The following MORF4L1 variants were observed in gnomAD, a reference collection of about 807,000 sequenced individuals.
MORF4L1 encodes mortality factor 4-like protein 1.
In MORF4L1, 4 loss-of-function variants were observed where a neutral mutation model predicts 52.9. That is an observed-to-expected ratio of 0.08 (90% CI 0.04 to 0.17). MORF4L1 has a LOEUF of 0.17. Ranked by LOEUF, MORF4L1 falls within the 10% of genes least tolerant of loss-of-function variation. MORF4L1 has a pLI of 1.00. For missense variants in MORF4L1, 214 were observed against 390.4 expected (o/e 0.55, Z 3.81); for synonymous variants, 123 against 134.8 (o/e 0.91, Z 0.61).
At chr15:78,886,484 A>G in intron 4 of MORF4L1, 1 of 406,382 alleles carries the variant, frequency 2.5e-6, no homozygotes, top group Non-Finnish European at 4.5e-6. Flanking sequence ...TGCTATAGGT[A>G]TGAACTCACT....
At chr15:78,880,811 T>G (rs1239445156) in intron 3 of MORF4L1, among the ~76,000 whole-genome samples, 1 of 152,056 alleles carries the variant, frequency 6.6e-6, no homozygotes, top group African/African-American at 2.4e-5. Context: ...TAGTGTAATA[T>G]CTATTAGTCA....
chr15:78,875,687 T>G (rs1410016937), intron 1 of MORF4L1, among the ~76,000 whole-genome samples: 1 of 151,418 alleles, frequency 6.6e-6, no homozygotes, highest in Non-Finnish European at 1.5e-5. Flanking sequence ...CTCGGGCGGC[T>G]GAGACAGGAA....
chr15:78,873,755 T>C (rs997564663), intron 1 of MORF4L1: 4 of 151,006 alleles, frequency 2.6e-5, no homozygotes, highest in Non-Finnish European at 5.9e-5. Flanking sequence ...AAAAAAAAAG[T>C]GAGATGAGCG....
At chr15:78,883,096 T>G (rs1229125361) in intron 3 of MORF4L1, among the ~76,000 whole-genome samples, 2 of 151,752 alleles carry the variant, frequency 1.3e-5, no homozygotes, top group Non-Finnish European at 2.9e-5. Context: ...ACGACTGTAG[T>G]CCCAGCTGCT....
chr15:78,889,893 TA>T (rs964869209), intron 5 of MORF4L1, among the ~76,000 whole-genome samples: 2 of 152,156 alleles, frequency 1.3e-5, no homozygotes, highest in African/African-American at 4.8e-5. Context: ...ATGGGCTCTA[TA>T]AACTGTTTCC....
At chr15:78,892,411 A>G in intron 8 of MORF4L1, 98 bp downstream of exon 8, 1 of 692,198 alleles carries the variant, frequency 1.4e-6, no homozygotes, top group Non-Finnish European at 2.5e-6. Context: ...TTGAATTATT[A>G]AGGTATGACT....
chr15:78,890,865 T>C (rs1390054493), intron 5 of MORF4L1, 124 bp from the exon 6 acceptor site: 4 of 933,870 alleles, frequency 4.3e-6, no homozygotes, highest in African/African-American at 1.7e-5. Flanking sequence ...GTAGGACACA[T>C]ATTTACCACC....
intron 1 of MORF4L1, among the ~76,000 whole-genome samples, chr15:78,877,399 C>T (rs1288655053): frequency 6.6e-6 from 1 of 152,098 alleles, no homozygotes; most frequent in Non-Finnish European, 1.5e-5. Context: ...GGATTACAGG[C>T]GTGAGCCACC....
At chr15:78,873,806 A>G (rs765468710) in intron 1 of MORF4L1, 3 of 152,338 alleles carry the variant, frequency 2.0e-5, no homozygotes, top group African/African-American at 4.8e-5. Flanking sequence ...TCACTCTGCT[A>G]TTCTTGGGCG....
rs777036246 is a variant in MORF4L1 at position 78,891,019 on chromosome 15, GA to G, written c.349+7del. 17 of 1,466,828 alleles carry G rather than the reference GA, an allele frequency of 1.2e-5. No individual in the cohort carries two copies. Among genetic ancestry groups the G allele is most frequent in the African/African-American group, 4.3e-5 (3 of 70,408 alleles). The allele number at this position is 1,466,828 out of a possible 1,614,324, so 90.9% of individuals were successfully genotyped here. A position where few individuals can be genotyped will look rare whatever the true frequency, so the allele number is the denominator to read the frequency against. On this transcript the variant is annotated splice_donor_region_variant and intron_variant, in intron 6 of 11. Coordinates refer to ENST00000426013, the MANE Select transcript of MORF4L1 (RefSeq NM_006791.4). ...CGAAAAAGAACAAACAGAAAAGTAA[GA>G]ATATTAACTTTCTTAACGTTAATTT...
chr15:78,879,259 T>G (rs1382477929), intron 2 of MORF4L1, among the ~76,000 whole-genome samples: 4 of 152,070 alleles, frequency 2.6e-5, no homozygotes, highest in African/African-American at 7.2e-5. Context: ...TATTGCTCTG[T>G]CGCCCAGGCT....
rs112174835 is a variant in MORF4L1, at chr15:78,897,117, TCTTA to T, written c.*51_*54del. 4.4e-3 allele frequency: 6,089 copies of T among 1,380,526 alleles called. 132 individuals are homozygous for T. In the African/African-American group the frequency reaches 0.066, roughly 15 times the overall value. 85.5% of individuals were successfully genotyped at this position (1,380,526 alleles called of 1,614,324 possible). A position where few individuals can be genotyped will look rare whatever the true frequency, so the allele number is the denominator to read the frequency against. On this transcript the variant is annotated 3_prime_UTR_variant, in exon 12 of 12. Coordinates refer to ENST00000426013, the MANE Select transcript of MORF4L1 (RefSeq NM_006791.4). ...TGGATCTCCGTAAACACATTTTTGTTCTTAGTCTATCTCTTGTACAAACGATGTG... is the reference window on the plus strand; with the variant it reads ...TGGATCTCCGTAAACACATTTTTGTTGTCTATCTCTTGTACAAACGATGTG...
intron 2 of MORF4L1, among the ~76,000 whole-genome samples, chr15:78,879,953 G>T (rs76077580): frequency 6.6e-6 from 1 of 152,080 alleles, no homozygotes; most frequent in Non-Finnish European, 1.5e-5. Flanking sequence ...TGGTTATTTT[G>T]GTTTTCTCTT....
rs1321325411 is a variant in MORF4L1, at chr15:78,893,994, G to T, written c.630-64G>T. ...CAGCTTTTAATTCTTTAAATTGGTT[G>T]AATTATTCTCTATGTCAGTTATTTT... On this transcript the variant is annotated intron_variant, in intron 9 of 11. Transcript: ENST00000426013. The T allele has an allele frequency of 3.5e-6, 5 of 1,438,792 alleles. No individual in the cohort carries two copies. In the South Asian group the frequency reaches 6.5e-5, roughly 19 times the overall value. The allele number at this position is 1,438,792 out of a possible 1,614,324, so 89.1% of individuals were successfully genotyped here.
At chr15:78,877,112 G>A (rs948938990) in intron 1 of MORF4L1, among the ~76,000 whole-genome samples, 1 of 94,424 alleles carries the variant, frequency 1.1e-5, no homozygotes, top group Non-Finnish European at 2.0e-5. Flanking sequence ...ACGCCCGGCT[G>A]ATTTTTTTTT....
chr15:78,878,480 C>T (rs2056537035), intron 2 of MORF4L1, among the ~76,000 whole-genome samples: 1 of 152,156 alleles, frequency 6.6e-6, no homozygotes, highest in African/African-American at 2.4e-5. Flanking sequence ...TCTTACTCAT[C>T]TGGAAGTAGC....
chr15:78,897,551 A>C lies in MORF4L1; in HGVS notation c.*484A>C, dbSNP rs988163810. Reference sequence around the variant, plus strand: ...TTGCAAGTCATCCATGTTGTTACTTAGGCATTTTATCTTGGCTCAAATTGT... The same window carrying C: ...TTGCAAGTCATCCATGTTGTTACTTCGGCATTTTATCTTGGCTCAAATTGT... On this transcript the variant is annotated 3_prime_UTR_variant, in exon 12 of 12. Coordinates refer to ENST00000426013, the MANE Select transcript of MORF4L1 (RefSeq NM_006791.4). 6.5e-6 allele frequency: 1 copy of C among 153,068 alleles called. No individual in the cohort carries two copies. The highest frequency in any genetic ancestry group is 1.5e-5 in the Non-Finnish European group (1 of 68,386). The allele number at this position is 153,068 out of a possible 1,614,324, so 9.5% of individuals were successfully genotyped here. A position where few individuals can be genotyped will look rare whatever the true frequency, so the allele number is the denominator to read the frequency against.
chr15:78,880,565 T>C lies in MORF4L1; in HGVS notation c.141T>C (p.Ser47=). 1.3e-6 allele frequency: 2 copies of C among 1,599,326 alleles called. No homozygotes were observed. The highest frequency in any genetic ancestry group is 2.3e-5 in the South Asian group (2 of 88,498). The change falls in exon 3 of 12, where the codon AGT becomes AGC. Residue 47 remains serine, a synonymous_variant. Transcript: ENST00000426013. ...DKQVKYFIHY[S]GWNKNWDEWV... ...AAGTGAAATACTTCATACATTACAG[T>C]GGTTGGAATAAAAAGTGAGTATTAG...
intron 2 of MORF4L1, among the ~76,000 whole-genome samples, chr15:78,878,490 C>T (rs2056537200): frequency 6.6e-6 from 1 of 152,138 alleles, no homozygotes; most frequent in South Asian, 2.1e-4. Context: ...CTGGAAGTAG[C>T]ATTTGAGGGG....
Sources: gnomAD v4.1 joint callset for allele counts (sites outside exome capture counted in the v4.1 genomes callset) on GRCh38, gnomAD v4.1.1 for gene constraint, MANE v1.5 for transcripts, NCBI Gene and HGNC (gene_info 2026-07-23, HGNC 2026-07-21) for gene names.